The following RIPOR3 variants were observed in gnomAD, a reference collection of about 807,000 sequenced individuals.
The protein encoded by RIPOR3 is family with sequence similarity 65 member C.
A neutral mutation model predicts 114.3 loss-of-function variants in RIPOR3; 95 were observed. The ratio of observed to expected loss-of-function variants is 0.83; its 90% CI spans 0.70 to 0.99. RIPOR3 has a LOEUF of 0.99. Ranked by LOEUF, RIPOR3 falls within the 50% of genes least tolerant of loss-of-function variation. RIPOR3 has a pLI of 0.00. For missense variants in RIPOR3, 1,252 were observed against 1,266.9 expected (o/e 0.99, Z 0.18); for synonymous variants, 575 against 543.8 (o/e 1.06, Z -0.80).
chr20:50,650,160 G>A (rs974088167), intron 1 of RIPOR3, among the ~76,000 whole-genome samples: 6 of 152,052 alleles, frequency 3.9e-5, no homozygotes, highest in South Asian at 2.1e-4. Flanking sequence ...TCATCCCCAC[G>A]TGGAGGGAAG....
chr20:50,639,241 C>CAA (rs796792187), intron 1 of RIPOR3, among the ~76,000 whole-genome samples: 2,700 of 136,698 alleles, frequency 0.02, 89 homozygotes, highest in African/African-American at 0.069. Context: ...GACTCCAACT[C>CAA]AAAAAAAAAA....
chr20:50,589,398 C>G (rs1354641689), intron 20 of RIPOR3, among the ~76,000 whole-genome samples: 1 of 151,896 alleles, frequency 6.6e-6, no homozygotes, highest in African/African-American at 2.4e-5. Flanking sequence ...ACCTCCACCT[C>G]CCGGGTTCAA....
At chr20:50,594,009 G>A (rs1416354940) in intron 17 of RIPOR3, among the ~76,000 whole-genome samples, 2 of 152,076 alleles carry the variant, frequency 1.3e-5, no homozygotes, top group Admixed American at 6.6e-5. Context: ...AGTGGCTCAT[G>A]CCTGTAATCC....
intron 19 of RIPOR3, among the ~76,000 whole-genome samples, 198 bp downstream of exon 19, chr20:50,592,146 G>A (rs1258714230): frequency 6.6e-6 from 1 of 152,186 alleles, no homozygotes; most frequent in Non-Finnish European, 1.5e-5. Flanking sequence ...CATCTCAGAG[G>A]CCTAACAGAT....
chr20:50,589,646 G>A, intron 20 of RIPOR3, 40 bp downstream of exon 20: 1 of 1,600,068 alleles, frequency 6.2e-7, no homozygotes, highest in Non-Finnish European at 8.5e-7. Context: ...CCACAAGCAG[G>A]CTTTTCTATC....
At chr20:50,601,420 A>G (rs1468889379) in intron 13 of RIPOR3, among the ~76,000 whole-genome samples, 1 of 152,232 alleles carries the variant, frequency 6.6e-6, no homozygotes, top group Non-Finnish European at 1.5e-5. Context: ...CAGCCTGGGC[A>G]ACAGAGCGAG....
chr20:50,592,328 G>A lies in RIPOR3; in HGVS notation c.2577+16C>T, dbSNP rs1257793145. 4 of 1,551,418 alleles carry A rather than the reference G, an allele frequency of 2.6e-6. No homozygotes were observed. In the African/African-American group the frequency reaches 4.1e-5, roughly 16 times the overall value. The stretch of plus-strand genomic sequence containing the variant: ...CATCTGTGGCCAGGGTCTGCCACCT[G>A]CCCTGGACAACGTACCTTTTCCCGG... On this transcript the variant is annotated intron_variant, in intron 19 of 21. Coordinates refer to ENST00000327979, the MANE Select transcript of RIPOR3 (RefSeq NM_001290268.2).
At chr20:50,665,421 CT>C (rs11471486) in intron 1 of RIPOR3, among the ~76,000 whole-genome samples, 32 of 107,842 alleles carry the variant, frequency 3.0e-4, no homozygotes, top group Admixed American at 4.6e-4. Context: ...CCCCCTCTTC[CT>C]TTTTTTTTTT....
In RIPOR3 at chr20:50,596,792, C is replaced by A. The variant is rs1303148202; in HGVS notation, c.1791-529G>T. ...TGAGAGGCGAGGAGAAGGAATTGAG[C>A]CTCTGCTCTTCCATGTGGTGAGATG... is the stretch of plus-strand genomic sequence containing the variant. On this transcript the variant is annotated intron_variant, in intron 14 of 21. Transcript: ENST00000327979. Among the ~76,000 whole-genome samples the A allele has an allele frequency of 2.6e-5, 4 of 152,310 alleles. No individual in the cohort carries two copies. The South Asian group carries it at 8.3e-4, about 32-fold the overall frequency.
At chr20:50,616,488 G>T (rs1030754858) in intron 3 of RIPOR3, among the ~76,000 whole-genome samples, 6 of 152,068 alleles carry the variant, frequency 3.9e-5, no homozygotes, top group African/African-American at 1.4e-4. Flanking sequence ...GACTACAGGT[G>T]TGTGCCACCA....
intron 1 of RIPOR3, among the ~76,000 whole-genome samples, chr20:50,655,503 T>C (rs762424071): frequency 2.6e-5 from 4 of 152,144 alleles, no homozygotes; most frequent in African/African-American, 9.7e-5. Flanking sequence ...CTGGAATGAA[T>C]TGGGGGGTTG....
chr20:50,622,524 ACTC>A (rs376606941), intron 2 of RIPOR3, among the ~76,000 whole-genome samples: 1 of 151,380 alleles, frequency 6.6e-6, no homozygotes, highest in Non-Finnish European at 1.5e-5. Flanking sequence ...TTCTCTTCCA[ACTC>A]CTCCTCTTCC....
At chr20:50,626,568 C>CT (rs1568886265) in intron 2 of RIPOR3, among the ~76,000 whole-genome samples, 1 of 152,216 alleles carries the variant, frequency 6.6e-6, no homozygotes, top group Non-Finnish European at 1.5e-5. Context: ...ACTCTCTGGG[C>CT]AGAGCTCCCC....
chr20:50,599,151 G>T (rs892180636), intron 13 of RIPOR3, among the ~76,000 whole-genome samples: 1 of 151,944 alleles, frequency 6.6e-6, no homozygotes, highest in African/African-American at 2.4e-5. Flanking sequence ...CAGCACTCTG[G>T]GAGGCCGAGG....
At chr20:50,650,089 A>G (rs1316498213) in intron 1 of RIPOR3, among the ~76,000 whole-genome samples, 1 of 152,112 alleles carries the variant, frequency 6.6e-6, no homozygotes, top group African/African-American at 2.4e-5. Context: ...GATCAGGGTG[A>G]CTGCATGGTA....
Position 50,646,380 on chromosome 20 carries a change from C to T in RIPOR3, c.4-15524G>A, listed in dbSNP as rs147530160. On this transcript the variant is annotated intron_variant, in intron 1 of 21. Transcript: ENST00000327979. ...CTCCTGAGCTCAAGCGATTCACCCT[C>T]CTGGGCCTCCCAAAGTGCTGGGATT... Among the ~76,000 whole-genome samples the T allele has an allele frequency of 6.7e-4, 102 of 152,246 alleles. No homozygotes were observed. In the East Asian group the frequency reaches 0.014, roughly 20 times the overall value.
At chr20:50,625,630 TGAG>T (rs1007731218) in intron 2 of RIPOR3, among the ~76,000 whole-genome samples, 17 of 152,034 alleles carry the variant, frequency 1.1e-4, no homozygotes, top group African/African-American at 3.6e-4. Flanking sequence ...ATTCCCAAGC[TGAG>T]GAGGATGTCC....
intron 13 of RIPOR3, among the ~76,000 whole-genome samples, 166 bp downstream of exon 13, chr20:50,601,906 C>T (rs894041455): frequency 6.6e-6 from 1 of 152,338 alleles, no homozygotes. Context: ...TTGTTATCCC[C>T]GCTTGCCAGA....
chr20:50,678,412 C>T (rs2086746939), intron 1 of RIPOR3, among the ~76,000 whole-genome samples: 1 of 152,180 alleles, frequency 6.6e-6, no homozygotes, highest in Non-Finnish European at 1.5e-5. Context: ...TCCCACCCCA[C>T]CCCACAGGCC....
Sources: gnomAD v4.1 joint callset for allele counts (sites outside exome capture counted in the v4.1 genomes callset) on GRCh38, gnomAD v4.1.1 for gene constraint, MANE v1.5 for transcripts, NCBI Gene and HGNC (gene_info 2026-07-23, HGNC 2026-07-21) for gene names.